The following JAKMIP2 variants were observed in gnomAD, a reference collection of about 807,000 sequenced individuals.
JAKMIP2 encodes the protein janus kinase and microtubule interacting protein 2.
A neutral mutation model predicts 115.0 loss-of-function variants in JAKMIP2; 25 were observed. That is an observed-to-expected ratio of 0.22 (90% CI 0.16 to 0.30). The LOEUF (loss-of-function observed/expected upper bound fraction) is 0.30. Ranked by LOEUF, JAKMIP2 falls within the 10% of genes least tolerant of loss-of-function variation. The pLI is 1.00. For synonymous variants in JAKMIP2, 334 were observed against 343.6 expected (o/e 0.97, Z 0.31); for missense variants, 642 against 957.6 (o/e 0.67, Z 4.35).
chr5:147,607,787 G>C (rs1450417526), intron 20 of JAKMIP2, among the ~76,000 whole-genome samples: 1 of 152,190 alleles, frequency 6.6e-6, no homozygotes, highest in African/African-American at 2.4e-5. Context: ...GAATTCAGCT[G>C]TGAATCCGCC....
intron 5 of JAKMIP2, among the ~76,000 whole-genome samples, chr5:147,647,846 T>G (rs770071920): frequency 2.6e-5 from 4 of 152,162 alleles, no homozygotes; most frequent in Non-Finnish European, 5.9e-5. Context: ...AGAAACGACA[T>G]GTAGAAGCAC....
chr5:147,721,470 A>T (rs1052669146), intron 1 of JAKMIP2, among the ~76,000 whole-genome samples: 3 of 151,814 alleles, frequency 2.0e-5, no homozygotes, highest in African/African-American at 7.3e-5. Context: ...TTGCAGTTTG[A>T]TCTCAGACTG....
At chr5:147,769,360 A>G (rs951790797) in intron 1 of JAKMIP2, among the ~76,000 whole-genome samples, 5 of 152,180 alleles carry the variant, frequency 3.3e-5, no homozygotes, top group African/African-American at 1.2e-4. Flanking sequence ...CATGATAAGG[A>G]TGACTGTGCC....
intron 1 of JAKMIP2, among the ~76,000 whole-genome samples, chr5:147,687,022 G>A (rs1016116162): frequency 4.6e-5 from 7 of 151,998 alleles, no homozygotes; most frequent in Non-Finnish European, 1.0e-4. Flanking sequence ...TTTTTGTATA[G>A]TAAGCAATCT....
intron 2 of JAKMIP2, among the ~76,000 whole-genome samples, chr5:147,669,056 A>G (rs77287982): frequency 0.024 from 3,616 of 152,266 alleles, 172 homozygotes; most frequent in African/African-American, 0.082. Context: ...TCCATTCCCT[A>G]GTAGCTGAAC....
intron 16 of JAKMIP2, among the ~76,000 whole-genome samples, chr5:147,625,195 G>T (rs916389666): frequency 1.3e-5 from 2 of 152,088 alleles, no homozygotes; most frequent in African/African-American, 4.8e-5. Context: ...TCCCCAGGCT[G>T]GTCTTGAACT....
intron 10 of JAKMIP2, among the ~76,000 whole-genome samples, chr5:147,637,596 C>T (rs1372664939): frequency 4.0e-5 from 6 of 151,862 alleles, no homozygotes; most frequent in African/African-American, 1.5e-4. Flanking sequence ...CCGGCCACCA[C>T]GCCCAGCTAA....
intron 1 of JAKMIP2, among the ~76,000 whole-genome samples, chr5:147,709,741 T>G (rs1752711687): frequency 6.6e-6 from 1 of 152,044 alleles, no homozygotes; most frequent in Non-Finnish European, 1.5e-5. Flanking sequence ...TCCCAGCTAC[T>G]CAGGAGGCTG....
intron 1 of JAKMIP2, among the ~76,000 whole-genome samples, chr5:147,768,118 T>C (rs1028047613): frequency 6.6e-6 from 1 of 152,158 alleles, no homozygotes; most frequent in Non-Finnish European, 1.5e-5. Context: ...GCATTTACTG[T>C]TTTTCTTCAT....
chr5:147,772,977 T>A (rs184157103), intron 1 of JAKMIP2, among the ~76,000 whole-genome samples: 1 of 152,276 alleles, frequency 6.6e-6, no homozygotes, highest in Admixed American at 6.5e-5. Flanking sequence ...ATTTTCTGGA[T>A]AACTTTAAAA....
At chr5:147,675,131 C>T (rs1017526926) in intron 1 of JAKMIP2, among the ~76,000 whole-genome samples, 8 of 152,122 alleles carry the variant, frequency 5.3e-5, no homozygotes, top group African/African-American at 1.9e-4. Context: ...ATACATTTTA[C>T]ATCTTAATTT....
intron 1 of JAKMIP2, among the ~76,000 whole-genome samples, chr5:147,702,645 AAAGAAAG>A (rs1752406456): frequency 7.5e-6 from 1 of 133,586 alleles, no homozygotes; most frequent in Non-Finnish European, 1.5e-5. Flanking sequence ...AGAAAGAAAG[AAAGAAAG>A]AAAGAAAGAA....
chr5:147,645,523 A>T (rs1561511591), intron 5 of JAKMIP2, among the ~76,000 whole-genome samples: 2 of 152,160 alleles, frequency 1.3e-5, no homozygotes. Context: ...AATTTTATCG[A>T]GGGGAAAAAA....
intron 1 of JAKMIP2, among the ~76,000 whole-genome samples, chr5:147,677,057 C>T (rs1760007103): frequency 6.6e-6 from 1 of 152,196 alleles, no homozygotes; most frequent in Non-Finnish European, 1.5e-5. Flanking sequence ...TTAGACAAAC[C>T]TGTTTAAATT....
chr5:147,709,404 TAAC>T (rs1332210081), intron 1 of JAKMIP2, among the ~76,000 whole-genome samples: 1 of 152,086 alleles, frequency 6.6e-6, no homozygotes, highest in Non-Finnish European at 1.5e-5. Flanking sequence ...CTATATATAA[TAAC>T]AAAGATCTAT....
At chr5:147,638,176 A>G (rs1389809796) in intron 10 of JAKMIP2, among the ~76,000 whole-genome samples, 1 of 151,902 alleles carries the variant, frequency 6.6e-6, no homozygotes, top group African/African-American at 2.4e-5. Flanking sequence ...TTTAATTTCT[A>G]GTCTCTTTAA....
At chr5:147,697,983 T>A (rs142298903) in intron 1 of JAKMIP2, among the ~76,000 whole-genome samples, 61 of 152,282 alleles carry the variant, frequency 4.0e-4, no homozygotes, top group African/African-American at 1.4e-3. Flanking sequence ...CACCAACAGC[T>A]TGCACTGTGT....
At chr5:147,658,105 C>T (rs189682665) in intron 3 of JAKMIP2, among the ~76,000 whole-genome samples, 4 of 152,204 alleles carry the variant, frequency 2.6e-5, no homozygotes, top group South Asian at 4.1e-4. Context: ...TTGCGATTTT[C>T]GGTGTTTTTT....
intron 3 of JAKMIP2, 148 bp downstream of exon 3, chr5:147,660,800 T>C (rs532203886): frequency 8.5e-6 from 7 of 822,972 alleles, no homozygotes; most frequent in African/African-American, 6.8e-5. Flanking sequence ...ACCTACATAC[T>C]GATCTATCTT....
Sources: allele counts gnomAD v4.1 joint callset (sites outside exome capture counted in the v4.1 genomes callset), GRCh38; gene constraint gnomAD v4.1.1; transcripts MANE v1.5; gene names NCBI Gene and HGNC (gene_info 2026-07-23, HGNC 2026-07-21).